Variants in TYW1B observed in about 807,000 individuals in gnomAD.
TYW1B encodes tRNA-yW synthesizing protein 1 homolog B, also known as S-adenosyl-L-methionine-dependent tRNA 4-demethylwyosine synthase TYW1B.
In TYW1B, 73 loss-of-function variants were observed where a neutral mutation model predicts 86.9. That is an observed-to-expected ratio of 0.84 (90% CI 0.70 to 1.02). TYW1B has a LOEUF of 1.02. Ranked by LOEUF, TYW1B falls within the 50% of genes least tolerant of loss-of-function variation. The probability of loss-of-function intolerance (pLI) is 0.00; values close to 1 mark genes in which losing one functional copy is unlikely to be tolerated. For missense variants in TYW1B, 637 were observed against 827.4 expected, an observed-to-expected ratio of 0.77 and a Z score of 2.82; for synonymous variants, 248 against 292.8, an observed-to-expected ratio of 0.85 and a Z score of 1.56.
intron 8 of TYW1B, among the ~76,000 whole-genome samples, chr7:72,734,561 A>T (rs1787167332): frequency 6.6e-6 from 1 of 152,202 alleles, no homozygotes; most frequent in Admixed American, 6.5e-5. Flanking sequence ...GATTTTATGA[A>T]TAAAACTTCA....
intron 6 of TYW1B, 34 bp from the exon 7 acceptor site, chr7:72,777,567 G>C: frequency 1.2e-6 from 2 of 1,611,678 alleles, no homozygotes; most frequent in East Asian, 4.5e-5. Flanking sequence ...ATCCAGAATT[G>C]GCAATGTGCA....
intron 8 of TYW1B, among the ~76,000 whole-genome samples, chr7:72,738,274 G>T (rs191253313): frequency 0.024 from 3,705 of 151,426 alleles, 157 homozygotes; most frequent in African/African-American, 0.084. Flanking sequence ...AAGTAGAGAC[G>T]GGGTTTCCCT....
chr7:72,638,882 G>T (rs1185960958), intron 11 of TYW1B, among the ~76,000 whole-genome samples: 2 of 152,156 alleles, frequency 1.3e-5, no homozygotes, highest in East Asian at 3.8e-4. Context: ...CGAGCCTTTA[G>T]TTGTAACTAC....
intron 8 of TYW1B, among the ~76,000 whole-genome samples, chr7:72,730,057 A>G (rs540847551): frequency 3.9e-5 from 6 of 152,202 alleles, no homozygotes; most frequent in Middle Eastern, 3.4e-3. Flanking sequence ...TTCAACCAAC[A>G]CTATAAAATA....
chr7:72,599,104 C>T (rs1267770557), intron 13 of TYW1B, among the ~76,000 whole-genome samples: 1 of 152,128 alleles, frequency 6.6e-6, no homozygotes, highest in Non-Finnish European at 1.5e-5. Flanking sequence ...AACCACAGAA[C>T]AATAATTGCC....
chr7:72,732,382 TC>T (rs564622937), intron 8 of TYW1B, among the ~76,000 whole-genome samples: 14 of 152,144 alleles, frequency 9.2e-5, no homozygotes, highest in Non-Finnish European at 1.8e-4. Flanking sequence ...TATTTTAGTC[TC>T]AAAAAATGTT....
intron 9 of TYW1B, among the ~76,000 whole-genome samples, chr7:72,719,971 G>T (rs1786865413): frequency 6.6e-6 from 1 of 152,008 alleles, no homozygotes; most frequent in South Asian, 2.1e-4. Context: ...ATCACATCGG[G>T]TTCTCCGTTG....
In TYW1B at chr7:72,716,184, G is replaced by A. The variant is rs1257139016; in HGVS notation, c.1193-2386C>T. Among the ~76,000 whole-genome samples, 12 of 152,172 alleles carry A rather than the reference G, an allele frequency of 7.9e-5. No homozygotes were observed. In the South Asian group the frequency reaches 1.4e-3, roughly 18 times the overall value. ...GATCTCCTGACCTCGTGATCTGCCC[G>A]CCTCGGCCTCCCAAAGTGCTGGGAT... On this transcript the variant is annotated intron_variant, in intron 9 of 13. Transcript: ENST00000620995.
chr7:72,589,867 ACT>A (rs1811356084), intron 13 of TYW1B, among the ~76,000 whole-genome samples: 1 of 152,076 alleles, frequency 6.6e-6, no homozygotes, highest in Non-Finnish European at 1.5e-5. Context: ...CCAGAGCGAA[ACT>A]CTGTCTCAAA....
At chr7:72,594,067 G>A (rs192827125) in intron 13 of TYW1B, among the ~76,000 whole-genome samples, 193 of 151,712 alleles carry the variant, frequency 1.3e-3, no homozygotes, top group Middle Eastern at 6.8e-3. Flanking sequence ...TTTTAAAAAA[G>A]AAGACCTCAA....
chr7:72,757,290 C>T (rs1169434350), intron 7 of TYW1B, among the ~76,000 whole-genome samples: 1 of 151,646 alleles, frequency 6.6e-6, no homozygotes, highest in African/African-American at 2.4e-5. Flanking sequence ...ATCGCTTGAA[C>T]CTGGGAGGCG....
intron 11 of TYW1B, among the ~76,000 whole-genome samples, chr7:72,673,023 G>C (rs1399413261): frequency 2.0e-5 from 3 of 152,122 alleles, no homozygotes; most frequent in African/African-American, 7.2e-5. Context: ...ACAAAAATTA[G>C]CCGGGTGTCG....
At chr7:72,735,867 A>T (rs1585941400) in intron 8 of TYW1B, among the ~76,000 whole-genome samples, 1 of 32,198 alleles carries the variant, frequency 3.1e-5, no homozygotes, top group African/African-American at 5.3e-5. Flanking sequence ...GAGACTGTCT[A>T]AAAAAAAAAA....
At chr7:72,678,954 T>C (rs1316489976) in intron 11 of TYW1B, among the ~76,000 whole-genome samples, 4 of 151,914 alleles carry the variant, frequency 2.6e-5, no homozygotes, top group Non-Finnish European at 5.9e-5. Flanking sequence ...TCAAAAAAAT[T>C]AGCCAGGCAT....
chr7:72,771,876 C>T (rs1450336456), intron 7 of TYW1B, among the ~76,000 whole-genome samples: 12 of 150,958 alleles, frequency 7.9e-5, no homozygotes, highest in Admixed American at 3.3e-4. Context: ...AAAGACAGTC[C>T]CGCTCTGTCA....
chr7:72,820,960 G>C (rs1382735314), intron 2 of TYW1B, among the ~76,000 whole-genome samples: 1 of 151,994 alleles, frequency 6.6e-6, no homozygotes, highest in Non-Finnish European at 1.5e-5. Context: ...CAAAGAATTC[G>C]CACACTTAGA....
intron 11 of TYW1B, among the ~76,000 whole-genome samples, chr7:72,648,091 A>G (rs1270635609): frequency 6.6e-6 from 1 of 152,208 alleles, no homozygotes; most frequent in Admixed American, 6.5e-5. Context: ...CACCAAAAAA[A>G]TTAAGGTTTA....
At chr7:72,682,914 T>C (rs1348078647) in intron 11 of TYW1B, among the ~76,000 whole-genome samples, 1 of 152,168 alleles carries the variant, frequency 6.6e-6, no homozygotes, top group African/African-American at 2.4e-5. Flanking sequence ...CCCTACACTT[T>C]TGTGAGTTTT....
rs1312362319 is a variant in TYW1B, at chr7:72,703,012, ATATATATATATATATT to A, written c.1371-8206_1371-8191del. On this transcript the variant is annotated intron_variant, in intron 10 of 13. Transcript: ENST00000620995. ...TATATATATATATATATATATATAT[ATATATATATATATATT>A]TTTTTTTTTTTTTTGAGATGGAGTC... Among the ~76,000 whole-genome samples, 16 of 29,274 alleles carry A rather than the reference ATATATATATATATATT, an allele frequency of 5.5e-4. 1 individual carries two copies. Among genetic ancestry groups the A allele is most frequent in the African/African-American group, 8.2e-4 (7 of 8,588 alleles). 19.2% of individuals were successfully genotyped at this position (29,274 alleles called of 152,430 possible).
Sources: allele counts gnomAD v4.1 joint callset (sites outside exome capture counted in the v4.1 genomes callset), GRCh38; gene constraint gnomAD v4.1.1; transcripts MANE v1.5; gene names NCBI Gene and HGNC (gene_info 2026-07-23, HGNC 2026-07-21).